GABRA3: variants seen among roughly 807,000 people sequenced by gnomAD.
GABRA3 encodes the protein gamma-aminobutyric acid receptor subunit alpha-3.
A neutral mutation model predicts 30.1 loss-of-function variants in GABRA3; 10 were observed. That is an observed-to-expected ratio of 0.33 (90% confidence interval 0.20 to 0.56). GABRA3 has a LOEUF of 0.56. Ranked by LOEUF, GABRA3 falls within the 20% of genes least tolerant of loss-of-function variation. GABRA3 has a pLI of 0.89. For synonymous variants in GABRA3, 151 were observed against 146.8 expected (o/e 1.03, Z -0.21); for missense variants, 233 against 392.0 (o/e 0.59, Z 3.42).
At chrX:152,388,088 T>A (rs1335588134) in intron 1 of GABRA3, among the ~76,000 whole-genome samples, 1 of 112,225 alleles carries the variant, frequency 8.9e-6, no homozygotes, top group Non-Finnish European at 1.9e-5. Flanking sequence ...CGTTGATACA[T>A]CTAAATATTA....
At chrX:152,376,231 A>T (rs1316603935) in intron 1 of GABRA3, among the ~76,000 whole-genome samples, 4 of 111,149 alleles carry the variant, frequency 3.6e-5, no homozygotes, top group African/African-American at 1.3e-4. Context: ...TTTGCTTGAT[A>T]CATTACCCTT....
At chrX:152,448,573 C>T (rs1319538287) in intron 1 of GABRA3, among the ~76,000 whole-genome samples, 1 of 111,416 alleles carries the variant, frequency 9.0e-6, no homozygotes, top group Non-Finnish European at 1.9e-5. Flanking sequence ...CTAGCAACCA[C>T]ATACTCACCC....
chrX:152,394,557 A>G (rs958477553), intron 1 of GABRA3: 8 of 370,895 alleles, frequency 2.2e-5, no homozygotes, highest in Non-Finnish European at 3.8e-5. Context: ...CAAAGGACAG[A>G]GAAAACTCAT....
intron 3 of GABRA3, among the ~76,000 whole-genome samples, chrX:152,316,403 GA>G (rs1312176277): frequency 9.0e-6 from 1 of 111,498 alleles, no homozygotes; most frequent in Admixed American, 9.5e-5. Context: ...TCCTGAGGAA[GA>G]AAAGAAATTT....
At chrX:152,337,138 A>G in intron 3 of GABRA3, among the ~76,000 whole-genome samples, 1 of 111,882 alleles carries the variant, frequency 8.9e-6, no homozygotes, top group Non-Finnish European at 1.9e-5. Flanking sequence ...ATATATTCAT[A>G]TAGTTTGTAA....
rs1936956248 is a variant in GABRA3 at position 152,167,934 on chromosome X, C to T, written c.*294G>A. On this transcript the variant is annotated 3_prime_UTR_variant, in exon 10 of 10. Coordinates refer to ENST00000370314, the MANE Select transcript of GABRA3 (RefSeq NM_000808.4). ...TGTTCTTTTTGCAGCGGGCAGAGTG[C>T]AATAAAATACATGCAGTGCCCTCAG... 6.0e-6 allele frequency: 2 copies of T among 335,345 alleles called. No homozygotes were observed. The highest frequency in any genetic ancestry group is 1.0e-5 in the Non-Finnish European group (2 of 192,066). The allele number at this position is 335,345 out of a possible 1,213,427, so 27.6% of individuals were successfully genotyped here. A position where few individuals can be genotyped will look rare whatever the true frequency, so the allele number is the denominator to read the frequency against.
intron 5 of GABRA3, among the ~76,000 whole-genome samples, chrX:152,245,266 T>C (rs181090035): frequency 5.7e-4 from 63 of 111,151 alleles, no homozygotes; most frequent in Non-Finnish European, 1.0e-3. Context: ...TCAGGAGCAG[T>C]TGAGGTGCCA....
intron 3 of GABRA3, among the ~76,000 whole-genome samples, chrX:152,311,646 T>C (rs1939800616): frequency 9.0e-6 from 1 of 111,492 alleles, no homozygotes; most frequent in African/African-American, 3.3e-5. Context: ...GAACAAGACA[T>C]GGATGTCCAC....
intron 1 of GABRA3, among the ~76,000 whole-genome samples, chrX:152,371,162 A>G (rs1422994940): frequency 9.0e-6 from 1 of 111,141 alleles, no homozygotes; most frequent in Non-Finnish European, 1.9e-5. Flanking sequence ...ATTTTCTTCA[A>G]CATACTTCAA....
chrX:152,414,996 T>C (rs1197329052), intron 1 of GABRA3, among the ~76,000 whole-genome samples: 1 of 110,576 alleles, frequency 9.0e-6, no homozygotes, highest in Non-Finnish European at 1.9e-5. Context: ...AGATTAGTGG[T>C]TGCCAAGGGC....
intron 3 of GABRA3, among the ~76,000 whole-genome samples, chrX:152,290,444 T>A (rs1430355280): frequency 3.6e-5 from 4 of 111,880 alleles, no homozygotes; most frequent in Non-Finnish European, 7.5e-5. Flanking sequence ...TTGCAAAAAT[T>A]TTCTCCCATT....
intron 5 of GABRA3, among the ~76,000 whole-genome samples, chrX:152,252,455 G>A (rs778875385): frequency 1.8e-5 from 2 of 111,109 alleles, no homozygotes; most frequent in South Asian, 7.6e-4. Context: ...TGTTACCCAC[G>A]TCGTGTCTCA....
chrX:152,312,466 A>G (rs1210027031), intron 3 of GABRA3, among the ~76,000 whole-genome samples: 1 of 112,150 alleles, frequency 8.9e-6, no homozygotes, highest in Non-Finnish European at 1.9e-5. Flanking sequence ...TTTTCTTTTC[A>G]CCATATACAA....
intron 1 of GABRA3, among the ~76,000 whole-genome samples, chrX:152,412,314 T>A (rs1930094108): frequency 9.0e-6 from 1 of 111,585 alleles, no homozygotes; most frequent in African/African-American, 3.2e-5. Flanking sequence ...GCAATTCCAC[T>A]CCTGGGTATA....
intron 3 of GABRA3, among the ~76,000 whole-genome samples, chrX:152,286,645 T>A (rs1352930328): frequency 9.0e-6 from 1 of 111,721 alleles, no homozygotes; most frequent in Non-Finnish European, 1.9e-5. Flanking sequence ...TTAGCTCTCG[T>A]TGATTTCTCA....
Position 152,414,856 on chromosome X carries a change from C to CA in GABRA3, c.-27+36289dup, listed in dbSNP as rs57587537. Among the ~76,000 whole-genome samples, 316 of 82,693 alleles carry CA rather than the reference C, an allele frequency of 3.8e-3. 3 individuals are homozygous for CA. The highest frequency in any genetic ancestry group is 0.018 in the East Asian group (47 of 2,576). The allele number at this position is 82,693 out of a possible 115,157, so 71.8% of individuals were successfully genotyped here. Reference sequence around the variant, plus strand: ...TAAAAAAAATGAGCTATCGAACCACCAAAAAAAAAAAAAAAACCATGGAGG... The same window carrying CA: ...TAAAAAAAATGAGCTATCGAACCACCAAAAAAAAAAAAAAAAACCATGGAGG... On this transcript the variant is annotated intron_variant, in intron 1 of 9. Transcript: ENST00000370314.
At chrX:152,386,447 A>G (rs1193639974) in intron 1 of GABRA3, among the ~76,000 whole-genome samples, 1 of 111,233 alleles carries the variant, frequency 9.0e-6, no homozygotes, top group Admixed American at 9.6e-5. Flanking sequence ...AAACAAATTT[A>G]CAAGAAAAAA....
chrX:152,257,494 C>CT (rs1354091147), intron 4 of GABRA3, among the ~76,000 whole-genome samples: 1 of 112,870 alleles, frequency 8.9e-6, no homozygotes, highest in Non-Finnish European at 1.9e-5. Context: ...TTGCCATAAG[C>CT]TGGCCCTTGC....
At chrX:152,182,861 T>C (rs1342730488) in intron 9 of GABRA3, among the ~76,000 whole-genome samples, 2 of 95,334 alleles carry the variant, frequency 2.1e-5, no homozygotes, top group Admixed American at 2.5e-4. Flanking sequence ...GTATATATAC[T>C]ATAGTACTAT....
Sources: allele counts gnomAD v4.1 joint callset (sites outside exome capture counted in the v4.1 genomes callset), GRCh38; gene constraint gnomAD v4.1.1; transcripts MANE v1.5; gene names NCBI Gene and HGNC (gene_info 2026-07-23, HGNC 2026-07-21).